RPL7A: variants seen among roughly 807,000 people sequenced by gnomAD.
RPL7A encodes the protein ribosomal protein L7a, also known as large ribosomal subunit protein eL8.
For synonymous variants in RPL7A, 158 were observed against 128.2 expected, an observed-to-expected ratio of 1.23 and a Z score of -1.57; for missense variants, 291 against 338.2, an observed-to-expected ratio of 0.86 and a Z score of 1.09.
chr9:133,348,339 T>C, intron 1 of RPL7A, 93 bp downstream of exon 1: 2 of 1,545,388 alleles, frequency 1.3e-6, no homozygotes, highest in Non-Finnish European at 8.9e-7. Context: ...GGCCTCCTGC[T>C]CCTCCTGGCG....
intron 1 of RPL7A, chr9:133,348,599 C>T (rs1356820844): frequency 1.3e-5 from 8 of 603,980 alleles, no homozygotes; most frequent in Admixed American, 5.3e-5. Context: ...TGAGCCCGCC[C>T]CTGTTGCTTC....
At chr9:133,348,848 GGA>G in intron 1 of RPL7A, 72 bp from the exon 2 acceptor site, 1 of 1,611,896 alleles carries the variant, frequency 6.2e-7, no homozygotes, top group Non-Finnish European at 8.5e-7. Context: ...TTGTTTTGGA[GGA>G]GCCAGCCTGA....
chr9:133,350,368 G>A (rs1367168451), intron 5 of RPL7A, 49 bp downstream of exon 5: 8 of 1,603,140 alleles, frequency 5.0e-6, no homozygotes, highest in South Asian at 1.1e-5. Context: ...GCAGTACCAG[G>A]AAGAGAGAGT....
At chr9:133,349,146 C>T (rs994162788) in intron 2 of RPL7A, 104 bp downstream of exon 2, 7 of 1,359,904 alleles carry the variant, frequency 5.1e-6, no homozygotes, top group Middle Eastern at 1.9e-4. Context: ...GTAAAGTGGT[C>T]GCAGTCCTTA....
rs1836261851 is a variant in RPL7A, at chr9:133,348,220, TTCTC to T, written c.-19_-16del. 1.9e-6 allele frequency: 3 copies of T among 1,613,816 alleles called. No individual in the cohort carries two copies. Among genetic ancestry groups the T allele is most frequent in the Admixed American group, 1.7e-5 (1 of 59,988 alleles). ...CATATTACCCACAATTCCCTTTCCT[TTCTC>T]TCTCCTCCCGCCGCCCAAGATGGTG... is the stretch of plus-strand genomic sequence containing the variant. On this transcript the variant is annotated 5_prime_UTR_variant, in exon 1 of 8. Transcript: ENST00000323345.
In RPL7A at chr9:133,349,944, A is replaced by G; in HGVS notation, c.307A>G (p.Arg103Gly). The part of the protein sequence containing the change: ...TQLLKLAHKY[R>G]PETKQEKKQR... ...GCTGCTTAAGCTGGCCCACAAGTAC[A>G]GACCAGAGACAAAGCAAGAGAAGAA... The change falls in exon 4 of 8, where the codon AGA becomes GGA. Residue 103 changes from arginine (R) to glycine (G), a missense_variant. Transcript: ENST00000323345. The G allele has an allele frequency of 1.2e-6, 2 of 1,611,838 alleles. No homozygotes were observed. The highest frequency in any genetic ancestry group is 1.1e-5 in the South Asian group (1 of 90,998).
At position 133,349,036 on chromosome 9, in the gene RPL7A, G is replaced by C; in HGVS notation, c.118G>C (p.Gly40Arg). Residue 40 changes from glycine to arginine, a missense_variant, in exon 2 of 8, where the codon GGC becomes CGC. Physicochemically the swap from Gly to Arg is moderately radical, Grantham distance 125 (BLOSUM62 -2). Transcript: ENST00000323345. ...PLFEKRPKNFGIGQDIQPKRD... is the reference protein window; with the variant it reads ...PLFEKRPKNFRIGQDIQPKRD... The stretch of plus-strand genomic sequence containing the variant: ...GTTTGAGAAAAGGCCTAAGAATTTT[G>C]GCATTGGTAAGTAACAAACGGCAGA... 1 of 1,613,738 alleles carries C rather than the reference G, an allele frequency of 6.2e-7. No individual in the cohort carries two copies. Among genetic ancestry groups the C allele is most frequent in the Non-Finnish European group, 8.5e-7 (1 of 1,179,876 alleles).
At chr9:133,348,470 T>G in intron 1 of RPL7A, 1 of 634,802 alleles carries the variant, frequency 1.6e-6, no homozygotes, top group African/African-American at 1.8e-5. Flanking sequence ...GAATGCGTTG[T>G]TCCCGGTGTC....
rs1443137116 is a variant in RPL7A, at chr9:133,350,335, G to A, written c.495+16G>A. On this transcript the variant is annotated intron_variant, in intron 5 of 7. Transcript: ENST00000323345. Reference sequence around the variant, plus strand: ...TCCCATCGAGGTGCGTTTGCCTGTTGACTGCTAACCCAAGGGCTTCTGGCA... The same window carrying A: ...TCCCATCGAGGTGCGTTTGCCTGTTAACTGCTAACCCAAGGGCTTCTGGCA... The A allele has an allele frequency of 6.2e-7, 1 of 1,613,582 alleles. No individual in the cohort carries two copies.
intron 2 of RPL7A, chr9:133,349,259 G>A (rs2129984470): frequency 2.4e-4 from 179 of 743,558 alleles, no homozygotes; most frequent in Non-Finnish European, 2.3e-5. Context: ...CTTGAATTCA[G>A]CTTAGCCATC....
intron 2 of RPL7A, among the ~76,000 whole-genome samples, 163 bp downstream of exon 2, chr9:133,349,205 A>G (rs2129984170): frequency 1.3e-5 from 2 of 152,152 alleles, no homozygotes; most frequent in African/African-American, 4.8e-5. Flanking sequence ...TCTTGCTTTC[A>G]TTGGGAGTTG....
chr9:133,351,394 A>G lies in RPL7A; in HGVS notation c.*28A>G. 1 of 1,475,038 alleles carries G rather than the reference A, an allele frequency of 6.8e-7. No individual in the cohort carries two copies. The allele number at this position is 1,475,038 out of a possible 1,614,324, so 91.4% of individuals were successfully genotyped here. A position where few individuals can be genotyped will look rare whatever the true frequency, so the allele number is the denominator to read the frequency against. On this transcript the variant is annotated 3_prime_UTR_variant, in exon 8 of 8. Coordinates refer to ENST00000323345, the MANE Select transcript of RPL7A (RefSeq NM_000972.3). ...GTACACTGTTGAGTTTTCTGTACAT[A>G]AAAATAATTGAAATAATACAAATTT...
At position 133,349,696 on chromosome 9, in the gene RPL7A, A is replaced by G; in HGVS notation, c.270A>G (p.Gln90=). 6.2e-7 allele frequency: 1 copy of G among 1,613,930 alleles called. No individual in the cohort carries two copies. Among genetic ancestry groups the G allele is most frequent in the Non-Finnish European group, 8.5e-7 (1 of 1,179,898 alleles). Residue 90 remains glutamine, a synonymous_variant, in exon 3 of 8, where the codon CAA becomes CAG. Transcript: ENST00000323345. ...AGTTCACCCAGGCCCTGGACCGCCA[A>G]ACAGGTGAGGTTCTGTGGCGTGGAA... The part of the protein sequence containing the change: ...INQFTQALDR[Q]TATQLLKLAH...
At chr9:133,348,622 G>T in intron 1 of RPL7A, 1 of 627,916 alleles carries the variant, frequency 1.6e-6, no homozygotes, top group Non-Finnish European at 2.9e-6. Flanking sequence ...GAGCCTGTGG[G>T]GCCGCGACTC....
chr9:133,349,900 G>T lies in RPL7A; in HGVS notation c.275-12G>T, dbSNP rs1479211031. 6.2e-7 allele frequency: 1 copy of T among 1,610,994 alleles called. No individual in the cohort carries two copies. The highest frequency in any genetic ancestry group is 1.7e-5 in the Admixed American group (1 of 59,920). The stretch of plus-strand genomic sequence containing the variant: ...CTTGACTCCAAGCCTAAACTGAAGA[G>T]TGTTTTTCCAGCTACTCAGCTGCTT... On this transcript the variant is annotated splice_polypyrimidine_tract_variant and intron_variant, in intron 3 of 7. Transcript: ENST00000323345.
intron 5 of RPL7A, 137 bp from the exon 6 acceptor site, chr9:133,350,460 A>G: frequency 1.3e-6 from 2 of 1,519,832 alleles, no homozygotes; most frequent in African/African-American, 1.4e-5. Flanking sequence ...TGGCTCTTGC[A>G]ATGATGTGAA....
chr9:133,349,709 C>G lies in RPL7A; in HGVS notation c.274+9C>G. ...CCTGGACCGCCAAACAGGTGAGGTT[C>G]TGTGGCGTGGAAAGGAGTTTCTCAG... On this transcript the variant is annotated intron_variant, in intron 3 of 7. Transcript: ENST00000323345. 6.2e-7 allele frequency: 1 copy of G among 1,613,358 alleles called. No individual in the cohort carries two copies. The highest frequency in any genetic ancestry group is 8.5e-7 in the Non-Finnish European group (1 of 1,179,552).
intron 6 of RPL7A, 124 bp from the exon 7 acceptor site, chr9:133,350,878 A>G: frequency 6.8e-7 from 1 of 1,469,958 alleles, no homozygotes; most frequent in Non-Finnish European, 9.5e-7. Context: ...TCTTCACCTG[A>G]ATAAACCATG....
At chr9:133,350,468 G>A in intron 5 of RPL7A, 129 bp from the exon 6 acceptor site, 2 of 1,537,632 alleles carry the variant, frequency 1.3e-6, no homozygotes, top group Non-Finnish European at 1.8e-6. Context: ...GCAATGATGT[G>A]AATCTCTCAC....
Sources: gnomAD v4.1 joint callset for allele counts (sites outside exome capture counted in the v4.1 genomes callset) on GRCh38, gnomAD v4.1.1 for gene constraint, MANE v1.5 for transcripts, NCBI Gene and HGNC (gene_info 2026-07-23, HGNC 2026-07-21) for gene names.